The following BCL11A variants were observed in gnomAD, a reference collection of about 807,000 sequenced individuals.
BCL11A encodes the protein B cell CLL/lymphoma 11A.
A neutral mutation model predicts 55.9 loss-of-function variants in BCL11A; 2 were observed. That is an observed-to-expected ratio of 0.04 (90% CI 0.01 to 0.11). BCL11A has a LOEUF of 0.11. Ranked by LOEUF, BCL11A falls within the 10% of genes least tolerant of loss-of-function variation. The probability of loss-of-function intolerance (pLI) is 1.00; values close to 1 mark genes in which losing one functional copy is unlikely to be tolerated. For synonymous variants in BCL11A, 465 were observed against 473.4 expected, an observed-to-expected ratio of 0.98 and a Z score of 0.23; for missense variants, 817 against 1,137.1, an observed-to-expected ratio of 0.72 and a Z score of 4.05.
At chr2:60,549,194 G>A (rs1670282654) in intron 1 of BCL11A, among the ~76,000 whole-genome samples, 2 of 152,176 alleles carry the variant, frequency 1.3e-5, no homozygotes, top group African/African-American at 2.4e-5. Context: ...AGCCTGGAAC[G>A]TCTCAATGTC....
intron 1 of BCL11A, among the ~76,000 whole-genome samples, chr2:60,552,666 C>T (rs988946647): frequency 1.3e-5 from 2 of 152,220 alleles, no homozygotes; most frequent in Non-Finnish European, 1.5e-5. Context: ...CTACTTTCCT[C>T]CCGCTGCACA....
chr2:60,540,636 A>G (rs984763469), intron 2 of BCL11A, among the ~76,000 whole-genome samples: 4 of 152,146 alleles, frequency 2.6e-5, no homozygotes, highest in Admixed American at 6.6e-5. Flanking sequence ...ATGTACCCCA[A>G]TTTAGTACTC....
chr2:60,497,052 C>T (rs577522533), intron 2 of BCL11A, among the ~76,000 whole-genome samples: 19 of 152,332 alleles, frequency 1.2e-4, no homozygotes, highest in African/African-American at 4.3e-4. Flanking sequence ...TCTACTCCTC[C>T]CCCAGTGTTG....
chr2:60,510,061 C>T (rs1185585417), intron 2 of BCL11A, among the ~76,000 whole-genome samples: 1 of 152,210 alleles, frequency 6.6e-6, no homozygotes, highest in Non-Finnish European at 1.5e-5. Context: ...CCCCTTCTCA[C>T]GTCCCCACCA....
intron 2 of BCL11A, among the ~76,000 whole-genome samples, chr2:60,493,964 C>A (rs1678799517): frequency 6.6e-6 from 1 of 152,148 alleles, no homozygotes; most frequent in African/African-American, 2.4e-5. Flanking sequence ...TGAGTGGCCT[C>A]AGGCAGTGGC....
At chr2:60,463,690 T>C (rs1676445811) in intron 3 of BCL11A, among the ~76,000 whole-genome samples, 1 of 151,832 alleles carries the variant, frequency 6.6e-6, no homozygotes, top group African/African-American at 2.4e-5. Context: ...TAAATATATA[T>C]ATATATGGAA....
At chr2:60,481,756 T>A (rs57024823) in intron 2 of BCL11A, among the ~76,000 whole-genome samples, 6,103 of 152,250 alleles carry the variant, frequency 0.04, 431 homozygotes, top group African/African-American at 0.14. Flanking sequence ...ACAAGTGAGA[T>A]TAATTTTCTA....
At chr2:60,535,359 G>C (rs1047650907) in intron 2 of BCL11A, 1 of 152,046 alleles carries the variant, frequency 6.6e-6, no homozygotes, top group African/African-American at 2.4e-5. Flanking sequence ...AAGCCAAAGG[G>C]GCTAAGATAC....
At chr2:60,476,669 T>C (rs952175179) in intron 2 of BCL11A, among the ~76,000 whole-genome samples, 4 of 152,226 alleles carry the variant, frequency 2.6e-5, no homozygotes, top group Admixed American at 6.5e-5. Flanking sequence ...TCCAGGCTCA[T>C]TGAAAATTGG....
intron 2 of BCL11A, among the ~76,000 whole-genome samples, chr2:60,482,947 C>A (rs1165745720): frequency 1.3e-5 from 2 of 152,206 alleles, no homozygotes; most frequent in Non-Finnish European, 2.9e-5. Context: ...ACAAATCTTT[C>A]TTTCAAACAT....
At chr2:60,497,642 T>C (rs932957995) in intron 2 of BCL11A, among the ~76,000 whole-genome samples, 3 of 135,002 alleles carry the variant, frequency 2.2e-5, no homozygotes, top group Non-Finnish European at 4.9e-5. Flanking sequence ...ATAATAATAA[T>C]AGCTTCCACT....
chr2:60,529,415 T>C (rs967019302), intron 2 of BCL11A, among the ~76,000 whole-genome samples: 3 of 152,130 alleles, frequency 2.0e-5, no homozygotes, highest in Non-Finnish European at 4.4e-5. Context: ...CAACTAGAAA[T>C]GGTATTACTT....
At chr2:60,497,947 C>A (rs756176187) in intron 2 of BCL11A, among the ~76,000 whole-genome samples, 1 of 151,958 alleles carries the variant, frequency 6.6e-6, no homozygotes, top group Non-Finnish European at 1.5e-5. Context: ...CTTCATTGGC[C>A]GAGGATGACC....
chr2:60,491,701 A>G (rs1558639941), intron 2 of BCL11A, among the ~76,000 whole-genome samples: 1 of 151,322 alleles, frequency 6.6e-6, no homozygotes, highest in African/African-American at 2.4e-5. Flanking sequence ...AAAAAAAAAA[A>G]AAGAAAGAAA....
At chr2:60,548,507 G>C (rs1278654644) in intron 1 of BCL11A, among the ~76,000 whole-genome samples, 1 of 152,086 alleles carries the variant, frequency 6.6e-6, no homozygotes, top group African/African-American at 2.4e-5. Context: ...TCAAAACCGG[G>C]AAATGAAGTG....
chr2:60,552,170 C>T (rs925051796), intron 1 of BCL11A, among the ~76,000 whole-genome samples: 18 of 150,874 alleles, frequency 1.2e-4, no homozygotes, highest in African/African-American at 4.4e-4. Flanking sequence ...AAGAGAAGGC[C>T]GTCACAGAAA....
intron 3 of BCL11A, among the ~76,000 whole-genome samples, chr2:60,462,809 G>C (rs190117632): frequency 2.6e-5 from 4 of 152,300 alleles, no homozygotes; most frequent in Admixed American, 2.6e-4. Context: ...TTTCCTCCTT[G>C]TTAAGTGAGA....
intron 2 of BCL11A, chr2:60,534,604 G>A (rs1458422088): frequency 6.6e-6 from 1 of 152,180 alleles, no homozygotes; most frequent in African/African-American, 2.4e-5. Flanking sequence ...AAATGAGAAC[G>A]ATTTCCAGCC....
chr2:60,460,953 C>T lies in BCL11A; in HGVS notation c.1959G>A (p.Glu653=). 9 of 1,612,848 alleles carry T rather than the reference C, an allele frequency of 5.6e-6. No individual in the cohort carries two copies. Among genetic ancestry groups the T allele is most frequent in the Admixed American group, 1.7e-5 (1 of 60,022 alleles). The change falls in exon 4 of 4, where the codon GAG becomes GAA. Residue 653 remains glutamate, a synonymous_variant. Coordinates refer to ENST00000642384, the MANE Select transcript of BCL11A (RefSeq NM_022893.4). ...CGGCGAGCCACTGCGAGTACACGTTCTCCGTGTTGGGCATCGCGGCCGGGG... is the reference window on the plus strand; with the variant it reads ...CGGCGAGCCACTGCGAGTACACGTTTTCCGTGTTGGGCATCGCGGCCGGGG... ...DLPPAAMPNT[E]NVYSQWLAGY...
Sources: allele counts gnomAD v4.1 joint callset (sites outside exome capture counted in the v4.1 genomes callset), GRCh38; gene constraint gnomAD v4.1.1; transcripts MANE v1.5; gene names NCBI Gene and HGNC (gene_info 2026-07-23, HGNC 2026-07-21).